The following RFX7 variants were observed in gnomAD, a reference collection of about 807,000 sequenced individuals.
RFX7 encodes the protein regulatory factor X7, also known as DNA-binding protein RFX7.
Under a neutral mutation model 111.8 loss-of-function variants are expected in RFX7, and 26 were observed. The ratio of observed to expected loss-of-function variants is 0.23; its 90% confidence interval spans 0.17 to 0.32. The LOEUF (loss-of-function observed/expected upper bound fraction) is 0.32, where lower values mean the gene tolerates loss of function less well. Among genes scored for constraint, RFX7 ranks in the 10% least tolerant of loss-of-function variants. The probability of loss-of-function intolerance (pLI) is 1.00; values close to 1 mark genes in which losing one functional copy is unlikely to be tolerated. For missense variants in RFX7, 1,573 were observed against 1,772.9 expected (o/e 0.89, Z 2.02); for synonymous variants, 624 against 624.4 (o/e 1.00, Z 0.01).
At chr15:56,203,243 C>A (rs2043212689) in intron 2 of RFX7, among the ~76,000 whole-genome samples, 1 of 152,152 alleles carries the variant, frequency 6.6e-6, no homozygotes, top group African/African-American at 2.4e-5. Flanking sequence ...AAAGTTAGTA[C>A]AGATTAGTGA....
At chr15:56,217,443 C>T (rs1282764379) in intron 2 of RFX7, among the ~76,000 whole-genome samples, 8 of 147,706 alleles carry the variant, frequency 5.4e-5, no homozygotes, top group Non-Finnish European at 1.2e-4. Context: ...TTCTACAATA[C>T]TCCCTTTCTG....
intron 5 of RFX7, among the ~76,000 whole-genome samples, chr15:56,132,046 GA>G (rs2042225251): frequency 6.6e-6 from 1 of 151,798 alleles, no homozygotes; most frequent in Non-Finnish European, 1.5e-5. Context: ...TGTTAAAGGA[GA>G]AAATAAGTGA....
intron 2 of RFX7, among the ~76,000 whole-genome samples, chr15:56,239,547 G>C (rs1336998406): frequency 1.3e-5 from 2 of 152,160 alleles, no homozygotes; most frequent in African/African-American, 4.8e-5. Flanking sequence ...GATTACAGGT[G>C]TGAGCCACCG....
intron 2 of RFX7, among the ~76,000 whole-genome samples, chr15:56,222,199 TC>T (rs1211790618): frequency 1.3e-5 from 2 of 152,324 alleles, no homozygotes; most frequent in East Asian, 3.9e-4. Context: ...TCTTCTAGCC[TC>T]CATTATTTCT....
At chr15:56,098,034 G>A (rs1284103152) in intron 9 of RFX7, 47 bp downstream of exon 9, 1 of 1,556,298 alleles carries the variant, frequency 6.4e-7, no homozygotes, top group Admixed American at 1.8e-5. Flanking sequence ...GTAAACAGTT[G>A]ATTTCCCACC....
At chr15:56,134,984 T>G (rs1422861909) in intron 5 of RFX7, among the ~76,000 whole-genome samples, 1 of 152,218 alleles carries the variant, frequency 6.6e-6, no homozygotes, top group Admixed American at 6.5e-5. Flanking sequence ...ATGGTGTATA[T>G]GTGCCACATT....
In RFX7 at chr15:56,143,438, T is replaced by C. The variant is rs535450569; in HGVS notation, c.279-538A>G. Among the ~76,000 whole-genome samples, 39 of 152,108 alleles carry C rather than the reference T, an allele frequency of 2.6e-4. No individual in the cohort carries two copies. The South Asian group carries it at 7.9e-3, about 31-fold the overall frequency. ...AGCATTCTGTGCTCCAGAATGGAATTTGCACCAGAGAGATCCTGAACAGAC... is the reference window on the plus strand; with the variant it reads ...AGCATTCTGTGCTCCAGAATGGAATCTGCACCAGAGAGATCCTGAACAGAC... On this transcript the variant is annotated intron_variant, in intron 4 of 9. Coordinates refer to ENST00000559447, the MANE Select transcript of RFX7 (RefSeq NM_022841.7).
chr15:56,244,084 T>A (rs1198299481), upstream of RFX7: 6 of 149,450 alleles, frequency 4.0e-5, no homozygotes, highest in African/African-American at 1.5e-4. Flanking sequence ...GTGGGGGAGG[T>A]GCTGGCGAGA....
intron 3 of RFX7, among the ~76,000 whole-genome samples, chr15:56,158,368 T>C (rs559906176): frequency 1.1e-3 from 175 of 152,348 alleles, no homozygotes; most frequent in Non-Finnish European, 2.2e-3. Flanking sequence ...GTTATGTAAA[T>C]GTTATTATTT....
At chr15:56,205,195 T>A (rs193044901) in intron 2 of RFX7, among the ~76,000 whole-genome samples, 108 of 152,302 alleles carry the variant, frequency 7.1e-4, no homozygotes, top group Non-Finnish European at 1.3e-3. Flanking sequence ...AATGAAGTTG[T>A]GAGTAACACT....
In RFX7 at chr15:56,094,010, G is replaced by A; in HGVS notation, c.3718C>T (p.Leu1240Phe). 1 of 1,613,984 alleles carries A rather than the reference G, an allele frequency of 6.2e-7. No homozygotes were observed. The highest frequency in any genetic ancestry group is 8.5e-7 in the Non-Finnish European group (1 of 1,179,868). Residue 1240 changes from leucine (L) to phenylalanine (F), a missense_variant, in exon 10 of 10, where the codon CTT becomes TTT. Coordinates refer to ENST00000559447, the MANE Select transcript of RFX7 (RefSeq NM_022841.7). ...TTTTTACTGTTTGCTTGCTTCTGAA[G>A]AGCGTTTGGGAAGGCTGTCTGCATC... ...VMMQTAFPNA[L>F]QKQANSKKIT... is the part of the protein sequence containing the mutation.
At chr15:56,166,865 C>T (rs116911919) in intron 3 of RFX7, among the ~76,000 whole-genome samples, 4 of 152,254 alleles carry the variant, frequency 2.6e-5, no homozygotes, top group Non-Finnish European at 4.4e-5. Context: ...GTAATCCACC[C>T]AGCCTGAGTA....
At position 56,193,593 on chromosome 15, in the gene RFX7, C is replaced by T. The variant is rs569022512; in HGVS notation, c.162-14290G>A. ...GATTTTAAAAAACAAAATTTCAGTA[C>T]CATAATTGTGCTGTGGTATCATAAC... On this transcript the variant is annotated intron_variant, in intron 2 of 9. Coordinates refer to ENST00000559447, the MANE Select transcript of RFX7 (RefSeq NM_022841.7). Among the ~76,000 whole-genome samples the T allele has an allele frequency of 1.8e-4, 27 of 152,170 alleles. 1 individual carries two copies. In the South Asian group the frequency reaches 5.2e-3, roughly 29 times the overall value.
intron 3 of RFX7, among the ~76,000 whole-genome samples, chr15:56,163,946 CCA>C: frequency 6.6e-6 from 1 of 152,238 alleles, no homozygotes; most frequent in African/African-American, 2.4e-5. Context: ...AACACAAAAG[CCA>C]CAAACTCAAA....
At chr15:56,235,345 T>G (rs1185320931) in intron 2 of RFX7, among the ~76,000 whole-genome samples, 3 of 152,124 alleles carry the variant, frequency 2.0e-5, no homozygotes, top group Non-Finnish European at 4.4e-5. Flanking sequence ...TGGCTAATTT[T>G]TTATATTTTT....
chr15:56,110,378 T>C (rs1299805315), intron 5 of RFX7, among the ~76,000 whole-genome samples: 1 of 61,570 alleles, frequency 1.6e-5, no homozygotes, highest in African/African-American at 5.9e-5. Flanking sequence ...GTGGGGGGGG[T>C]CAGCCCCCCG....
intron 5 of RFX7, among the ~76,000 whole-genome samples, chr15:56,121,965 T>C (rs2140968539): frequency 6.6e-6 from 1 of 152,366 alleles, no homozygotes; most frequent in Non-Finnish European, 1.5e-5. Context: ...AGAGCAATTC[T>C]GAACTCTCTT....
chr15:56,216,700 A>G (rs1197493242), intron 2 of RFX7, among the ~76,000 whole-genome samples: 1 of 152,200 alleles, frequency 6.6e-6, no homozygotes, highest in African/African-American at 2.4e-5. Context: ...TTTCCCCCCA[A>G]GTACAAGCCA....
intron 5 of RFX7, among the ~76,000 whole-genome samples, chr15:56,108,765 C>G (rs1426663246): frequency 2.6e-5 from 4 of 152,158 alleles, no homozygotes; most frequent in African/African-American, 9.7e-5. Flanking sequence ...CTGTCTCTGT[C>G]TGTAGACAAC....
Sources: gnomAD v4.1 joint callset for allele counts (sites outside exome capture counted in the v4.1 genomes callset) on GRCh38, gnomAD v4.1.1 for gene constraint, MANE v1.5 for transcripts, NCBI Gene and HGNC (gene_info 2026-07-23, HGNC 2026-07-21) for gene names.